The following NPSR1 variants were observed in gnomAD, a reference collection of about 807,000 sequenced individuals.
NPSR1 encodes the protein neuropeptide S receptor 1.
In NPSR1, 48 loss-of-function variants were observed where a neutral mutation model predicts 46.9. The observed-to-expected ratio is 1.02, with a 90% CI of 0.81 to 1.30. The LOEUF is 1.30. Ranked by LOEUF, NPSR1 falls within the 50% of genes most tolerant of loss-of-function variation. The probability of loss-of-function intolerance (pLI) is 0.00; values close to 1 mark genes in which losing one functional copy is unlikely to be tolerated. For synonymous variants in NPSR1, 176 were observed against 168.1 expected, an observed-to-expected ratio of 1.05 and a Z score of -0.36; for missense variants, 450 against 449.5, an observed-to-expected ratio of 1.00 and a Z score of -0.01.
chr7:34,752,363 A>G (rs1052863828), intron 2 of NPSR1, among the ~76,000 whole-genome samples: 2 of 152,100 alleles, frequency 1.3e-5, no homozygotes, highest in African/African-American at 4.8e-5. Context: ...GACCTCCAAT[A>G]AACTTGTTTG....
chr7:34,836,975 T>A (rs991119071), intron 6 of NPSR1, among the ~76,000 whole-genome samples: 2 of 152,104 alleles, frequency 1.3e-5, no homozygotes, highest in South Asian at 2.1e-4. Context: ...CAGTATGGTA[T>A]CCCTTTTATA....
intron 1 of NPSR1, among the ~76,000 whole-genome samples, chr7:34,684,304 T>C (rs1792807767): frequency 6.6e-6 from 1 of 152,250 alleles, no homozygotes; most frequent in African/African-American, 2.4e-5. Flanking sequence ...AGTGTTACAA[T>C]TACCTGACCA....
chr7:34,861,665 T>C (rs1284909634), intron 8 of NPSR1, among the ~76,000 whole-genome samples: 1 of 151,776 alleles, frequency 6.6e-6, no homozygotes, highest in Non-Finnish European at 1.5e-5. Context: ...GCACAGGTAA[T>C]ATTTACACAT....
intron 2 of NPSR1, among the ~76,000 whole-genome samples, chr7:34,698,611 G>C (rs532910295): frequency 6.6e-6 from 1 of 152,268 alleles, no homozygotes; most frequent in African/African-American, 2.4e-5. Context: ...TTAAACATCA[G>C]AATTTGAAAA....
chr7:34,753,932 C>G (rs918028975), intron 2 of NPSR1, among the ~76,000 whole-genome samples: 12 of 151,630 alleles, frequency 7.9e-5, no homozygotes, highest in African/African-American at 2.4e-4. Context: ...TCAGGGCAGC[C>G]CAAAGGGATT....
At chr7:34,708,014 G>A (rs1043140033) in intron 2 of NPSR1, among the ~76,000 whole-genome samples, 1 of 151,364 alleles carries the variant, frequency 6.6e-6, no homozygotes, top group African/African-American at 2.4e-5. Context: ...CTCTTCTTAT[G>A]AGGACACCAC....
chr7:34,695,057 C>T (rs1044871661), intron 2 of NPSR1, among the ~76,000 whole-genome samples: 3 of 152,110 alleles, frequency 2.0e-5, no homozygotes, highest in African/African-American at 7.2e-5. Context: ...CACCACATTG[C>T]CTGACTTTAT....
intron 4 of NPSR1, among the ~76,000 whole-genome samples, chr7:34,814,123 G>A (rs1197756305): frequency 2.0e-5 from 3 of 152,246 alleles, no homozygotes; most frequent in Non-Finnish European, 4.4e-5. Context: ...CACCTGGGGA[G>A]CACAAAGGGT....
intron 8 of NPSR1, among the ~76,000 whole-genome samples, chr7:34,865,433 G>A (rs10245024): frequency 0.19 from 28,643 of 151,608 alleles, 3,115 homozygotes; most frequent in Non-Finnish European, 0.24. Context: ...AGCTGAGCAT[G>A]CTCAGTAGAA....
chr7:34,665,811 T>C (rs968553541), intron 1 of NPSR1, among the ~76,000 whole-genome samples: 101 of 151,540 alleles, frequency 6.7e-4, no homozygotes, highest in African/African-American at 2.4e-3. Context: ...CACACACGCA[T>C]ACACACACAC....
chr7:34,809,461 T>A (rs1378837794), intron 3 of NPSR1, among the ~76,000 whole-genome samples: 1 of 52,482 alleles, frequency 1.9e-5, no homozygotes, highest in Non-Finnish European at 3.9e-5. Context: ...CACCCAGGTA[T>A]TTTTTTTTTT....
intron 2 of NPSR1, among the ~76,000 whole-genome samples, chr7:34,699,169 A>C (rs960999400): frequency 6.6e-6 from 1 of 152,126 alleles, no homozygotes; most frequent in African/African-American, 2.4e-5. Flanking sequence ...AGCATGGATG[A>C]GTTGTTCTCA....
chr7:34,666,591 A>G (rs1258708067), intron 1 of NPSR1, among the ~76,000 whole-genome samples: 1 of 152,212 alleles, frequency 6.6e-6, no homozygotes, highest in African/African-American at 2.4e-5. Context: ...TGAGTTCAGC[A>G]GCAACATATC....
At chr7:34,859,739 A>G (rs1228859442) in intron 8 of NPSR1, among the ~76,000 whole-genome samples, 1 of 151,848 alleles carries the variant, frequency 6.6e-6, no homozygotes, top group Non-Finnish European at 1.5e-5. Flanking sequence ...CAGATTTCTG[A>G]ACCCCCAACC....
intron 2 of NPSR1, among the ~76,000 whole-genome samples, chr7:34,707,769 C>T (rs1272098453): frequency 6.6e-6 from 1 of 152,170 alleles, no homozygotes; most frequent in Non-Finnish European, 1.5e-5. Flanking sequence ...AAGCCTTGCT[C>T]CCAAGGCTGG....
At chr7:34,841,570 A>G (rs1382432732) in intron 6 of NPSR1, among the ~76,000 whole-genome samples, 1 of 152,214 alleles carries the variant, frequency 6.6e-6, no homozygotes, top group Non-Finnish European at 1.5e-5. Context: ...GAGTAGAAAT[A>G]ATCCTTTTAT....
chr7:34,735,514 C>G (rs531726116), intron 2 of NPSR1, among the ~76,000 whole-genome samples: 1 of 152,288 alleles, frequency 6.6e-6, no homozygotes, highest in East Asian at 1.9e-4. Context: ...ATACCTTATG[C>G]CTTCCCTCCA....
intron 4 of NPSR1, 144 bp from the exon 5 acceptor site, chr7:34,827,257 T>C: frequency 1.6e-6 from 1 of 643,102 alleles, no homozygotes; most frequent in Non-Finnish European, 2.8e-6. Flanking sequence ...TATCCCTGTT[T>C]ACAGAGAAGG....
chr7:34,807,416 T>C (rs1308227019), intron 3 of NPSR1, among the ~76,000 whole-genome samples: 2 of 152,220 alleles, frequency 1.3e-5, no homozygotes, highest in Non-Finnish European at 2.9e-5. Flanking sequence ...ATATTTAGCA[T>C]TATGTTACTT....
Sources: allele counts gnomAD v4.1 joint callset (sites outside exome capture counted in the v4.1 genomes callset), GRCh38; gene constraint gnomAD v4.1.1; transcripts MANE v1.5; gene names NCBI Gene and HGNC (gene_info 2026-07-23, HGNC 2026-07-21).